Variants in KIAA1958 observed in about 807,000 individuals in gnomAD.
The protein encoded by KIAA1958 is uncharacterized protein KIAA1958.
Under a neutral mutation model 47.2 loss-of-function variants are expected in KIAA1958, and 14 were observed. That is an observed-to-expected ratio of 0.30 (90% CI 0.20 to 0.46). The LOEUF (loss-of-function observed/expected upper bound fraction) is 0.46. Ranked by LOEUF, KIAA1958 falls within the 20% of genes least tolerant of loss-of-function variation. The probability of loss-of-function intolerance (pLI) is 1.00; values close to 1 mark genes in which losing one functional copy is unlikely to be tolerated. For missense variants in KIAA1958, 803 were observed against 909.2 expected (o/e 0.88, Z 1.50); for synonymous variants, 354 against 353.3 (o/e 1.00, Z -0.02).
At chr9:112,609,174 A>G (rs1458265035) in intron 2 of KIAA1958, among the ~76,000 whole-genome samples, 1 of 152,208 alleles carries the variant, frequency 6.6e-6, no homozygotes, top group Non-Finnish European at 1.5e-5. Flanking sequence ...TAAAATCACA[A>G]TATAACTATA....
Position 112,574,582 on chromosome 9 carries a change from C to G in KIAA1958, c.502C>G (p.Gln168Glu). 6.2e-7 allele frequency: 1 copy of G among 1,614,176 alleles called. No individual in the cohort carries two copies. The highest frequency in any genetic ancestry group is 8.5e-7 in the Non-Finnish European group (1 of 1,180,024). Reference protein sequence around the residue: ...SDFEPQTQRPQSIARKRPGVV... With the variant: ...SDFEPQTQRPESIARKRPGVV... ...CTTTGAACCCCAAACCCAAAGGCCT[C>G]AAAGCATTGCTCGCAAAAGACCTGG... The change falls in exon 2 of 4, where the codon CAA (glutamine) becomes GAA (glutamate). Residue 168 changes from glutamine to glutamate, a missense_variant. Coordinates refer to ENST00000337530, the MANE Select transcript of KIAA1958 (RefSeq NM_133465.4).
At position 112,502,208 on chromosome 9, in the gene KIAA1958, A is replaced by G. The variant is rs538247202; in HGVS notation, c.-25+15090A>G. ...TAGTATACTTACAAAAGATGAACAT[A>G]TCAATATGTATAGTTGATTAACTGT... On this transcript the variant is annotated intron_variant, in intron 1 of 3. Coordinates refer to ENST00000337530, the MANE Select transcript of KIAA1958 (RefSeq NM_133465.4). Among the ~76,000 whole-genome samples the G allele has an allele frequency of 5.7e-4, 87 of 152,376 alleles. 1 individual carries two copies. The highest frequency in any genetic ancestry group is 2.1e-3 in the African/African-American group (87 of 41,596).
intron 1 of KIAA1958, among the ~76,000 whole-genome samples, chr9:112,493,168 T>C (rs908704606): frequency 4.6e-5 from 7 of 151,372 alleles, no homozygotes; most frequent in African/African-American, 1.7e-4. Flanking sequence ...TTTAGTGCTT[T>C]TTTTTTTTCA....
At chr9:112,583,948 C>G (rs2131183399) in intron 2 of KIAA1958, among the ~76,000 whole-genome samples, 1 of 152,162 alleles carries the variant, frequency 6.6e-6, no homozygotes, top group Admixed American at 6.5e-5. Context: ...GTGGTGGGCA[C>G]TCAGCACTCT....
chr9:112,569,129 A>G (rs1421694126), intron 1 of KIAA1958, among the ~76,000 whole-genome samples: 3 of 152,074 alleles, frequency 2.0e-5, no homozygotes, highest in African/African-American at 4.8e-5. Flanking sequence ...TCGTTGGAGA[A>G]TATGTTCACA....
chr9:112,653,808 G>T (rs1469417932), intron 3 of KIAA1958, among the ~76,000 whole-genome samples: 1 of 152,194 alleles, frequency 6.6e-6, no homozygotes, highest in Admixed American at 6.5e-5. Context: ...GTTGAGGCAA[G>T]AGAATCGCTT....
intron 1 of KIAA1958, among the ~76,000 whole-genome samples, chr9:112,503,616 C>CAAAAAA (rs762669967): frequency 3.0e-4 from 32 of 106,408 alleles, no homozygotes; most frequent in Non-Finnish European, 5.4e-5. Flanking sequence ...GACCCTGTCT[C>CAAAAAA]AAAAAAAAAA....
intron 1 of KIAA1958, among the ~76,000 whole-genome samples, chr9:112,548,095 C>T (rs980288974): frequency 6.7e-6 from 1 of 148,858 alleles, no homozygotes; most frequent in Non-Finnish European, 1.5e-5. Context: ...CCTCAACCTC[C>T]TGGGCTCAAG....
intron 1 of KIAA1958, among the ~76,000 whole-genome samples, chr9:112,516,803 A>G (rs1452413833): frequency 6.6e-6 from 1 of 152,258 alleles, no homozygotes; most frequent in African/African-American, 2.4e-5. Flanking sequence ...AATTGATTAA[A>G]GAATGATTTA....
intron 1 of KIAA1958, among the ~76,000 whole-genome samples, chr9:112,496,253 A>G (rs774030682): frequency 6.6e-6 from 1 of 152,226 alleles, no homozygotes; most frequent in Non-Finnish European, 1.5e-5. Context: ...TAAACAGTCT[A>G]CAGCTGCATG....
At chr9:112,568,714 A>G (rs1372738854) in intron 1 of KIAA1958, among the ~76,000 whole-genome samples, 7 of 151,510 alleles carry the variant, frequency 4.6e-5, no homozygotes, top group Admixed American at 4.6e-4. Flanking sequence ...CCCCATCTCT[A>G]CAAACAAAAA....
intron 1 of KIAA1958, among the ~76,000 whole-genome samples, chr9:112,489,916 T>C (rs1833934683): frequency 6.6e-6 from 1 of 152,268 alleles, no homozygotes; most frequent in South Asian, 2.1e-4. Context: ...ACTAGTGTTT[T>C]CATTAGCAAT....
intron 2 of KIAA1958, among the ~76,000 whole-genome samples, chr9:112,635,214 T>TTGTGTG (rs71999105): frequency 0.01 from 1,331 of 130,408 alleles, 20 homozygotes; most frequent in East Asian, 0.052. Flanking sequence ...ATTCTTTATT[T>TTGTGTG]TGTGTGTGTG....
At chr9:112,531,793 A>G (rs1210968702) in intron 1 of KIAA1958, among the ~76,000 whole-genome samples, 1 of 152,252 alleles carries the variant, frequency 6.6e-6, no homozygotes, top group African/African-American at 2.4e-5. Context: ...AATCTGTATC[A>G]GTTGGATTTT....
intron 2 of KIAA1958, among the ~76,000 whole-genome samples, chr9:112,632,218 A>G (rs1836722646): frequency 6.6e-6 from 1 of 152,068 alleles, no homozygotes; most frequent in Non-Finnish European, 1.5e-5. Flanking sequence ...TAAAAATTGG[A>G]ATTTTGCTAT....
chr9:112,526,243 C>T (rs943821834), intron 1 of KIAA1958, among the ~76,000 whole-genome samples: 2 of 74,338 alleles, frequency 2.7e-5, no homozygotes, highest in African/African-American at 1.2e-4. Context: ...AACAGAATAC[C>T]TTGAAACTGG....
At chr9:112,513,612 A>AGCC (rs1361204678) in intron 1 of KIAA1958, among the ~76,000 whole-genome samples, 4 of 131,594 alleles carry the variant, frequency 3.0e-5, no homozygotes, top group East Asian at 4.3e-4. Context: ...GACCGACCGC[A>AGCC]GCCGCCGCCG....
intron 1 of KIAA1958, among the ~76,000 whole-genome samples, chr9:112,511,997 C>A (rs568296313): frequency 1.3e-5 from 2 of 152,272 alleles, no homozygotes; most frequent in African/African-American, 4.8e-5. Flanking sequence ...CCTGAGCAGT[C>A]CTGTATCTGT....
chr9:112,572,636 C>A (rs959767700), intron 1 of KIAA1958, among the ~76,000 whole-genome samples: 2 of 152,102 alleles, frequency 1.3e-5, no homozygotes, highest in Non-Finnish European at 2.9e-5. Flanking sequence ...GCCGCAGGTT[C>A]AGTTTTGAAG....
Sources: allele counts gnomAD v4.1 joint callset (sites outside exome capture counted in the v4.1 genomes callset), GRCh38; gene constraint gnomAD v4.1.1; transcripts MANE v1.5; gene names NCBI Gene and HGNC (gene_info 2026-07-23, HGNC 2026-07-21).